The following NIM1K variants were observed in gnomAD, a reference collection of about 807,000 sequenced individuals.
NIM1K encodes the protein serine/threonine-protein kinase NIM1.
In NIM1K, 35 loss-of-function variants were observed where a neutral mutation model predicts 37.1. The observed-to-expected ratio is 0.94, with a 90% CI of 0.72 to 1.25. The LOEUF is 1.25. NIM1K is among the 50% of genes most tolerant of loss of function. The probability of loss-of-function intolerance (pLI) is 0.00; values close to 1 mark genes in which losing one functional copy is unlikely to be tolerated. For synonymous variants in NIM1K, 234 were observed against 206.6 expected, an observed-to-expected ratio of 1.13 and a Z score of -1.14; for missense variants, 564 against 548.0, an observed-to-expected ratio of 1.03 and a Z score of -0.29.
In NIM1K at chr5:43,245,274, A is replaced by G. The variant is rs1363797188; in HGVS notation, c.-502A>G. ...TCCAGCGCCCTGCAGCTTGACAGAA[A>G]GAGAAGCATGAAATGAAGGTCAGAG... On this transcript the variant is annotated 5_prime_UTR_variant, in exon 2 of 4. Transcript: ENST00000326035. 6.6e-6 allele frequency: 1 copy of G among 152,466 alleles called. No homozygotes were observed. Among genetic ancestry groups the G allele is most frequent in the Non-Finnish European group, 1.5e-5 (1 of 68,228 alleles). 9.4% of individuals were successfully genotyped at this position (152,466 alleles called of 1,614,324 possible). A position where few individuals can be genotyped will look rare whatever the true frequency, so the allele number is the denominator to read the frequency against.
At chr5:43,261,058 C>A (rs1287423585) in intron 2 of NIM1K, among the ~76,000 whole-genome samples, 1 of 152,100 alleles carries the variant, frequency 6.6e-6, no homozygotes, top group Non-Finnish European at 1.5e-5. Flanking sequence ...GTGAATAGTG[C>A]CACAATAAAC....
chr5:43,277,184 G>A lies in NIM1K; in HGVS notation c.420G>A (p.Val140=). 6.2e-7 allele frequency: 1 copy of A among 1,614,154 alleles called. No homozygotes were observed. The highest frequency in any genetic ancestry group is 8.5e-7 in the Non-Finnish European group (1 of 1,180,028). Residue 140 remains valine (V), a synonymous_variant, in exon 3 of 4, where the codon GTG becomes GTA. Coordinates refer to ENST00000326035, the MANE Select transcript of NIM1K (RefSeq NM_153361.4). ...ACATCATCCGCCTTTACGAAGTGGT[G>A]GAGACCCTATCCAAGCTGCACTTGG... ...HPNIIRLYEV[V]ETLSKLHLVM... is the part of the protein sequence containing the mutation.
chr5:43,208,573 G>A (rs577231698), intron 1 of NIM1K, among the ~76,000 whole-genome samples: 1 of 151,848 alleles, frequency 6.6e-6, no homozygotes, highest in African/African-American at 2.4e-5. Context: ...CTGCATTCCA[G>A]CCTGGGCGAC....
chr5:43,227,802 C>A (rs1752481103), intron 1 of NIM1K, among the ~76,000 whole-genome samples: 1 of 152,096 alleles, frequency 6.6e-6, no homozygotes, highest in South Asian at 2.1e-4. Context: ...GACACTTGGA[C>A]TTAAGGGTTT....
In NIM1K at chr5:43,280,797, C is replaced by T; in HGVS notation, c.*68C>T. 1.4e-6 allele frequency: 2 copies of T among 1,381,416 alleles called. 1 individual carries two copies. Among genetic ancestry groups the T allele is most frequent in the East Asian group, 4.7e-5 (2 of 42,950 alleles). The allele number at this position is 1,381,416 out of a possible 1,614,324, so 85.6% of individuals were successfully genotyped here. A position where few individuals can be genotyped will look rare whatever the true frequency, so the allele number is the denominator to read the frequency against. ...GCTTCTAAATTTTTTTCAAGGACAA[C>T]TTGAGTGGAGACATTTTTGTAATTT... On this transcript the variant is annotated 3_prime_UTR_variant, in exon 4 of 4. Transcript: ENST00000326035.
At chr5:43,246,375 A>G (rs1431736468) in intron 2 of NIM1K, among the ~76,000 whole-genome samples, 2 of 151,960 alleles carry the variant, frequency 1.3e-5, no homozygotes, top group Non-Finnish European at 2.9e-5. Context: ...AGATAAACCC[A>G]CTCAAACATG....
At chr5:43,229,341 G>A (rs899122699) in intron 1 of NIM1K, among the ~76,000 whole-genome samples, 4 of 128,694 alleles carry the variant, frequency 3.1e-5, no homozygotes, top group Non-Finnish European at 4.6e-5. Context: ...CTGAGATCGC[G>A]CCATTGCACT....
At chr5:43,228,179 C>A (rs533830382) in intron 1 of NIM1K, among the ~76,000 whole-genome samples, 53 of 151,732 alleles carry the variant, frequency 3.5e-4, no homozygotes, top group African/African-American at 1.2e-3. Context: ...TGGAGTCTCG[C>A]TCTGTCGCCC....
intron 1 of NIM1K, chr5:43,233,299 C>A (rs1752568725): frequency 1.2e-5 from 5 of 410,964 alleles, no homozygotes; most frequent in African/African-American, 4.6e-5. Flanking sequence ...TCTTCTAAGG[C>A]AAGAGTGACA....
At chr5:43,268,682 T>C (rs1280977623) in intron 2 of NIM1K, among the ~76,000 whole-genome samples, 1 of 152,216 alleles carries the variant, frequency 6.6e-6, no homozygotes, top group Non-Finnish European at 1.5e-5. Context: ...ATCATTTATA[T>C]CCACACCTTA....
At chr5:43,219,449 C>T (rs964613081) in intron 1 of NIM1K, among the ~76,000 whole-genome samples, 2 of 152,120 alleles carry the variant, frequency 1.3e-5, no homozygotes, top group African/African-American at 4.8e-5. Context: ...CTATGGTGCA[C>T]AGGCTGGTCT....
chr5:43,268,260 T>G (rs1175380212), intron 2 of NIM1K, among the ~76,000 whole-genome samples: 4 of 152,206 alleles, frequency 2.6e-5, no homozygotes, highest in Non-Finnish European at 5.9e-5. Context: ...TTCATGGCAT[T>G]GTGGTGAAGA....
chr5:43,249,905 T>G (rs1047435620), intron 2 of NIM1K, among the ~76,000 whole-genome samples: 1 of 139,822 alleles, frequency 7.2e-6, no homozygotes, highest in East Asian at 2.1e-4. Context: ...CACGCTGGAG[T>G]GTAGTGGTGT....
intron 1 of NIM1K, chr5:43,206,742 C>CCCA: frequency 1.3e-6 from 1 of 746,222 alleles, no homozygotes; most frequent in South Asian, 1.4e-5. Flanking sequence ...TGACTTCATG[C>CCCA]TTGGCACCAA....
At chr5:43,251,826 G>C (rs1752871598) in intron 2 of NIM1K, among the ~76,000 whole-genome samples, 1 of 152,104 alleles carries the variant, frequency 6.6e-6, no homozygotes, top group African/African-American at 2.4e-5. Flanking sequence ...CATCCCATGT[G>C]TTTCATTCTG....
chr5:43,267,075 GC>G (rs1459966279), intron 2 of NIM1K, among the ~76,000 whole-genome samples: 1 of 152,092 alleles, frequency 6.6e-6, no homozygotes, highest in Non-Finnish European at 1.5e-5. Flanking sequence ...AATCCATCTG[GC>G]CCTAGGCTTT....
chr5:43,196,175 G>T lies in NIM1K; in HGVS notation c.-695+3764G>T, dbSNP rs1751911445. 2.6e-5 allele frequency among the ~76,000 whole-genome samples: 4 copies of T among 152,172 alleles called. No homozygotes were observed. The South Asian group carries it at 6.2e-4, about 24-fold the overall frequency. ...TTCTCCCTAATCCTAAAGCCATCAAGAAGCTTTCTGTGTCTCTATTTGTTG... is the reference window on the plus strand; with the variant it reads ...TTCTCCCTAATCCTAAAGCCATCAATAAGCTTTCTGTGTCTCTATTTGTTG... On this transcript the variant is annotated intron_variant, in intron 1 of 3. Coordinates refer to ENST00000326035, the MANE Select transcript of NIM1K (RefSeq NM_153361.4).
At chr5:43,274,442 G>A (rs999562621) in intron 2 of NIM1K, among the ~76,000 whole-genome samples, 2 of 152,138 alleles carry the variant, frequency 1.3e-5, no homozygotes, top group Non-Finnish European at 2.9e-5. Context: ...ACAGGAAATC[G>A]AAGGGTGGAA....
At chr5:43,233,797 G>A (rs758164031) in intron 1 of NIM1K, among the ~76,000 whole-genome samples, 3 of 152,174 alleles carry the variant, frequency 2.0e-5, no homozygotes, top group Non-Finnish European at 4.4e-5. Context: ...TTCCCGCACC[G>A]TTTCCTAAAT....
Sources: gnomAD v4.1 joint callset for allele counts (sites outside exome capture counted in the v4.1 genomes callset) on GRCh38, gnomAD v4.1.1 for gene constraint, MANE v1.5 for transcripts, NCBI Gene and HGNC (gene_info 2026-07-23, HGNC 2026-07-21) for gene names.